Variants in GABRA4 observed in about 807,000 individuals in gnomAD.
GABRA4 encodes the protein gamma-aminobutyric acid receptor subunit alpha-4.
In GABRA4, 12 loss-of-function variants were observed where a neutral mutation model predicts 49.7. The ratio of observed to expected loss-of-function variants is 0.24; its 90% CI spans 0.15 to 0.39. The LOEUF is 0.39. Ranked by LOEUF, GABRA4 falls within the 10% of genes least tolerant of loss-of-function variation. GABRA4 has a pLI of 1.00. For missense variants in GABRA4, 506 were observed against 686.0 expected (o/e 0.74, Z 2.93); for synonymous variants, 288 against 240.2 (o/e 1.20, Z -1.84).
At chr4:46,950,442 C>T (rs1321594218) in intron 8 of GABRA4, among the ~76,000 whole-genome samples, 2 of 151,984 alleles carry the variant, frequency 1.3e-5, no homozygotes, top group Non-Finnish European at 2.9e-5. Flanking sequence ...ATCTCTTTTG[C>T]TGTTAAAAAG....
chr4:46,949,451 C>T (rs960862765), intron 8 of GABRA4, among the ~76,000 whole-genome samples: 2 of 152,000 alleles, frequency 1.3e-5, no homozygotes, highest in Non-Finnish European at 2.9e-5. Flanking sequence ...AGAACAAATG[C>T]TAACCTGGGT....
chr4:46,976,878 AG>A (rs947978449), intron 5 of GABRA4, among the ~76,000 whole-genome samples, 182 bp downstream of exon 5: 3 of 151,932 alleles, frequency 2.0e-5, no homozygotes, highest in African/African-American at 7.2e-5. Context: ...TTGTGGGGAA[AG>A]GAGGTTGTTT....
Position 46,965,029 on chromosome 4 carries a change from G to C in GABRA4, c.1075C>G (p.Pro359Ala). ...ACTGGAGCAGCGGGAACTTCCTGAG[G>C]GGGCTTTGATGTCTTCCTTTTGGCT... ...EKAKRKTSKP[P>A]QEVPAAPVQR... Residue 359 changes from proline (P) to alanine (A), a missense_variant, in exon 8 of 9, where the codon CCT becomes GCT. Pro to Ala is a conservative substitution (Grantham distance 27). Around this residue, in one of 5 missense-constraint regions of GABRA4, gnomAD observed 243 missense variants for 210.8 expected, o/e 1.15. Transcript: ENST00000264318. The C allele has an allele frequency of 6.8e-6, 11 of 1,611,868 alleles. No individual in the cohort carries two copies. Among genetic ancestry groups the C allele is most frequent in the Non-Finnish European group, 8.5e-6 (10 of 1,178,730 alleles).
At chr4:46,981,423 T>C (rs942852160) in intron 2 of GABRA4, among the ~76,000 whole-genome samples, 2 of 152,140 alleles carry the variant, frequency 1.3e-5, no homozygotes, top group African/African-American at 2.4e-5. Flanking sequence ...ATGTTTTGTG[T>C]TCAAAATTAT....
intron 8 of GABRA4, among the ~76,000 whole-genome samples, chr4:46,949,703 C>T (rs572008972): frequency 6.6e-5 from 10 of 152,144 alleles, no homozygotes; most frequent in African/African-American, 2.2e-4. Flanking sequence ...ATAGATTTGA[C>T]TGTGATGCAA....
At chr4:46,989,620 T>C (rs948786190) in intron 2 of GABRA4, among the ~76,000 whole-genome samples, 1 of 152,226 alleles carries the variant, frequency 6.6e-6, no homozygotes, top group African/African-American at 2.4e-5. Context: ...TAAAAATATG[T>C]AATTTAGTTT....
At chr4:46,980,578 G>A (rs1723323281) in intron 2 of GABRA4, among the ~76,000 whole-genome samples, 1 of 152,038 alleles carries the variant, frequency 6.6e-6, no homozygotes, top group Non-Finnish European at 1.5e-5. Context: ...AGTATAGTAA[G>A]AGAAAAAGTC....
intron 8 of GABRA4, among the ~76,000 whole-genome samples, chr4:46,932,352 GTTAC>G (rs1721466722): frequency 6.6e-6 from 1 of 152,240 alleles, no homozygotes; most frequent in Non-Finnish European, 1.5e-5. Flanking sequence ...CATACAGCAA[GTTAC>G]TTACTTGGTG....
chr4:46,949,170 C>T (rs966960556), intron 8 of GABRA4, among the ~76,000 whole-genome samples: 4 of 152,102 alleles, frequency 2.6e-5, no homozygotes, highest in Non-Finnish European at 4.4e-5. Context: ...GGTGCACTTA[C>T]TGGCTACAAA....
At chr4:46,993,309 G>T (rs1041193284) in intron 1 of GABRA4, 30 bp downstream of exon 1, 1 of 1,591,006 alleles carries the variant, frequency 6.3e-7, no homozygotes. Context: ...ACTTTCCGTT[G>T]CCCACCTCCT....
At chr4:46,960,972 A>G (rs938481970) in intron 8 of GABRA4, among the ~76,000 whole-genome samples, 2 of 151,862 alleles carry the variant, frequency 1.3e-5, no homozygotes, top group African/African-American at 4.8e-5. Flanking sequence ...TGGCTTCAAT[A>G]CAACAAGGCA....
At chr4:46,959,758 C>CAAAAAAAAAAAAAAA (rs67861758) in intron 8 of GABRA4, among the ~76,000 whole-genome samples, 2 of 82,688 alleles carry the variant, frequency 2.4e-5, no homozygotes, top group Non-Finnish European at 4.4e-5. Context: ...CATCACTTTG[C>CAAAAAAAAAAAAAAA]AAAAAAAAAA....
chr4:46,972,241 A>G (rs1372003080), intron 6 of GABRA4, among the ~76,000 whole-genome samples: 1 of 151,666 alleles, frequency 6.6e-6, no homozygotes, highest in Non-Finnish European at 1.5e-5. Context: ...TGTCATAAAG[A>G]TAAAAGTAAT....
intron 6 of GABRA4, 52 bp from the exon 7 acceptor site, chr4:46,971,287 C>A: frequency 6.6e-7 from 1 of 1,511,720 alleles, no homozygotes; most frequent in South Asian, 1.2e-5. Flanking sequence ...GGCAATTAGT[C>A]AATGGCTTCA....
intron 3 of GABRA4, 137 bp downstream of exon 3, chr4:46,978,894 T>A (rs1007338257): frequency 5.9e-6 from 4 of 678,976 alleles, no homozygotes; most frequent in African/African-American, 5.5e-5. Context: ...TTACTCTTCA[T>A]ACATTCTTAA....
chr4:46,950,928 T>G (rs1722153222), intron 8 of GABRA4, among the ~76,000 whole-genome samples: 1 of 151,880 alleles, frequency 6.6e-6, no homozygotes, highest in Non-Finnish European at 1.5e-5. Flanking sequence ...GATTCCTTCC[T>G]TCACTCATAG....
chr4:46,993,327 C>T lies in GABRA4; in HGVS notation c.86+12G>A, dbSNP rs1171174461. On this transcript the variant is annotated intron_variant, in intron 1 of 8. Transcript: ENST00000264318. ...TTCCGTTGCCCACCTCCTCGCACCC[C>T]AGAGAACTCACCAAACCGCCAGGCA... 6.2e-7 allele frequency: 1 copy of T among 1,613,172 alleles called. No individual in the cohort carries two copies. The highest frequency in any genetic ancestry group is 1.7e-5 in the Admixed American group (1 of 59,998).
chr4:46,932,820 C>A (rs914273460), intron 8 of GABRA4, among the ~76,000 whole-genome samples: 1 of 152,038 alleles, frequency 6.6e-6, no homozygotes, highest in African/African-American at 2.4e-5. Flanking sequence ...GATTTTGAAT[C>A]CATTTTACCA....
chr4:46,944,337 A>G (rs200855351), intron 8 of GABRA4, among the ~76,000 whole-genome samples: 3 of 84,066 alleles, frequency 3.6e-5, no homozygotes, highest in South Asian at 1.0e-3. Context: ...TTTGTCAGCC[A>G]GGGGGCAGTT....
Sources: allele counts gnomAD v4.1 joint callset (sites outside exome capture counted in the v4.1 genomes callset), GRCh38; gene constraint gnomAD v4.1.1; regional missense constraint gnomAD v4.1.1; transcripts MANE v1.5; gene names NCBI Gene and HGNC (gene_info 2026-07-23, HGNC 2026-07-21).